Variants in HORMAD2 observed in about 807,000 individuals in gnomAD.
The protein encoded by HORMAD2 is HORMA domain containing 2.
Under a neutral mutation model 38.8 loss-of-function variants are expected in HORMAD2, and 45 were observed. The ratio of observed to expected loss-of-function variants is 1.16; its 90% CI spans 0.91 to 1.49. The LOEUF (loss-of-function observed/expected upper bound fraction) is 1.49, where lower values mean the gene tolerates loss of function less well. Ranked by LOEUF, HORMAD2 falls within the 40% of genes most tolerant of loss-of-function variation. HORMAD2 has a pLI of 0.00. For missense variants in HORMAD2, 338 were observed against 367.0 expected, an observed-to-expected ratio of 0.92 and a Z score of 0.65; for synonymous variants, 126 against 122.8, an observed-to-expected ratio of 1.03 and a Z score of -0.17.
At chr22:30,125,906 A>C (rs1922827384) in intron 10 of HORMAD2, among the ~76,000 whole-genome samples, 1 of 152,150 alleles carries the variant, frequency 6.6e-6, no homozygotes, top group South Asian at 2.1e-4. Context: ...TATTTTAAGG[A>C]AGATCTCAGG....
At chr22:30,118,880 A>G (rs905847543) in intron 7 of HORMAD2, 100 bp from the exon 8 acceptor site, 5 of 737,506 alleles carry the variant, frequency 6.8e-6, no homozygotes, top group African/African-American at 1.8e-5. Context: ...TAGGAAGTAC[A>G]GTAGATATAC....
the HORMAD2 span, among the ~76,000 whole-genome samples, chr22:30,203,500 C>G: frequency 3.3e-5 from 5 of 152,110 alleles, no homozygotes; most frequent in African/African-American, 1.2e-4. Context: ...TTCCTGCCCC[C>G]ACTGTCCATC....
At chr22:30,202,663 C>T in the HORMAD2 span, among the ~76,000 whole-genome samples, 1 of 152,288 alleles carries the variant, frequency 6.6e-6, no homozygotes. Context: ...AGTAACTGCT[C>T]GGGCCAGAGC....
At chr22:30,153,964 GC>G (rs762622421) in intron 10 of HORMAD2, among the ~76,000 whole-genome samples, 2 of 152,062 alleles carry the variant, frequency 1.3e-5, no homozygotes, top group African/African-American at 4.8e-5. Context: ...TTTCATTTTT[GC>G]CCTTGCACAG....
the HORMAD2 span, among the ~76,000 whole-genome samples, chr22:30,192,502 C>T: frequency 9.9e-5 from 15 of 152,022 alleles, no homozygotes; most frequent in Admixed American, 9.8e-4. Context: ...AAAGGAAATC[C>T]TGGAAAAGTT....
downstream of HORMAD2, among the ~76,000 whole-genome samples, chr22:30,178,847 C>T (rs576558903): frequency 6.6e-6 from 1 of 152,294 alleles, no homozygotes; most frequent in South Asian, 2.1e-4. Context: ...TGGGGTTTTT[C>T]TGTCTTTACA....
intron 1 of HORMAD2, among the ~76,000 whole-genome samples, chr22:30,088,147 ATATG>A (rs1251835930): frequency 1.7e-4 from 25 of 151,478 alleles, no homozygotes; most frequent in African/African-American, 4.8e-5. Context: ...ACATATACAC[ATATG>A]TATACACGTA....
At chr22:30,200,883 G>A in the HORMAD2 span, among the ~76,000 whole-genome samples, 18 of 152,028 alleles carry the variant, frequency 1.2e-4, no homozygotes, top group African/African-American at 4.3e-4. Context: ...TCAGGTAGCT[G>A]GGACTACAGG....
At chr22:30,093,882 C>A in intron 1 of HORMAD2, 34 bp from the exon 2 acceptor site, 1 of 1,054,870 alleles carries the variant, frequency 9.5e-7, no homozygotes, top group Non-Finnish European at 1.4e-6. Context: ...TTATATTTGG[C>A]AAGGTCTCTA....
chr22:30,136,875 A>G (rs1018650103), intron 10 of HORMAD2: 1 of 403,166 alleles, frequency 2.5e-6, no homozygotes, highest in Non-Finnish European at 4.6e-6. Context: ...AGCCTTTTCT[A>G]TGTCTTTTCC....
At chr22:30,197,804 C>G in the HORMAD2 span, among the ~76,000 whole-genome samples, 1 of 152,032 alleles carries the variant, frequency 6.6e-6, no homozygotes, top group East Asian at 1.9e-4. Context: ...AACCACTGCA[C>G]ATGTAGACCT....
intron 10 of HORMAD2, among the ~76,000 whole-genome samples, chr22:30,175,658 C>T (rs1220835647): frequency 6.6e-6 from 1 of 152,038 alleles, no homozygotes; most frequent in Non-Finnish European, 1.5e-5. Flanking sequence ...CGATAGAAAA[C>T]ACAAGGCAGT....
At chr22:30,159,997 A>T (rs1911219853) in intron 10 of HORMAD2, among the ~76,000 whole-genome samples, 1 of 152,124 alleles carries the variant, frequency 6.6e-6, no homozygotes, top group Non-Finnish European at 1.5e-5. Flanking sequence ...GCCAGCTGAC[A>T]TGAAGTCCCT....
chr22:30,110,940 A>G (rs1005221766), intron 5 of HORMAD2, among the ~76,000 whole-genome samples: 7 of 150,498 alleles, frequency 4.7e-5, no homozygotes, highest in Non-Finnish European at 3.0e-5. Context: ...GGTGGATCAC[A>G]AGGTCAGAAG....
the HORMAD2 span, among the ~76,000 whole-genome samples, chr22:30,201,510 G>A: frequency 8.0e-5 from 12 of 150,138 alleles, no homozygotes; most frequent in South Asian, 2.3e-3. Context: ...TCCGCCCCGC[G>A]GGGTTCACGC....
intron 10 of HORMAD2, among the ~76,000 whole-genome samples, chr22:30,134,676 G>A (rs1923535902): frequency 2.0e-5 from 3 of 148,860 alleles, no homozygotes; most frequent in African/African-American, 7.6e-5. Flanking sequence ...TGTACCAACA[G>A]AGCCTTGCTC....
At chr22:30,202,852 C>T in the HORMAD2 span, among the ~76,000 whole-genome samples, 2 of 152,160 alleles carry the variant, frequency 1.3e-5, no homozygotes, top group African/African-American at 4.8e-5. Context: ...CCACTCTCAG[C>T]GGCTGTTCCT....
intron 10 of HORMAD2, among the ~76,000 whole-genome samples, chr22:30,124,548 T>C (rs1922701954): frequency 6.6e-6 from 1 of 152,188 alleles, no homozygotes; most frequent in Non-Finnish European, 1.5e-5. Context: ...CTCTTCTTTA[T>C]AGTTTTGCCA....
chr22:30,103,413 T>A, intron 3 of HORMAD2, 24 bp from the exon 4 acceptor site: 1 of 1,419,382 alleles, frequency 7.0e-7, no homozygotes, highest in Admixed American at 2.0e-5. Flanking sequence ...TAGATAAAAA[T>A]AGACTGTGTT....
Sources: allele counts gnomAD v4.1 joint callset (sites outside exome capture counted in the v4.1 genomes callset), GRCh38; gene constraint gnomAD v4.1.1; transcripts MANE v1.5; gene names NCBI Gene and HGNC (gene_info 2026-07-23, HGNC 2026-07-21).